NLGN4X: variants seen among roughly 807,000 people sequenced by gnomAD.
NLGN4X encodes neuroligin 4 X-linked.
In NLGN4X, 3 loss-of-function variants were observed where a neutral mutation model predicts 40.3. The ratio of observed to expected loss-of-function variants is 0.07; its 90% confidence interval spans 0.03 to 0.19. The LOEUF is 0.19. Ranked by LOEUF, NLGN4X falls within the 10% of genes least tolerant of loss-of-function variation. The pLI, the probability that NLGN4X is intolerant of heterozygous loss-of-function variation, is 1.00. For synonymous variants in NLGN4X, 270 were observed against 306.8 expected, an observed-to-expected ratio of 0.88 and a Z score of 1.25; for missense variants, 382 against 708.3, an observed-to-expected ratio of 0.54 and a Z score of 5.23.
intron 2 of NLGN4X, among the ~76,000 whole-genome samples, 188 bp from the exon 3 acceptor site, chrX:6,029,620 T>C (rs1232833361): frequency 8.9e-6 from 1 of 111,919 alleles, no homozygotes; most frequent in Non-Finnish European, 1.9e-5. Context: ...ACGTTTTCTA[T>C]TTATGGAAAT....
At chrX:5,969,368 T>C in intron 3 of NLGN4X, among the ~76,000 whole-genome samples, 1 of 111,399 alleles carries the variant, frequency 9.0e-6, no homozygotes, top group Admixed American at 9.5e-5. Context: ...GCAAAGGATA[T>C]GAACAGACAC....
chrX:6,118,141 TCTC>T (rs1401165188), intron 2 of NLGN4X, among the ~76,000 whole-genome samples: 12 of 109,731 alleles, frequency 1.1e-4, no homozygotes, highest in African/African-American at 4.0e-4. Flanking sequence ...GTCTTCTCTC[TCTC>T]CTCCTCTTCA....
intron 2 of NLGN4X, among the ~76,000 whole-genome samples, chrX:6,047,026 A>G (rs920711223): frequency 2.8e-4 from 31 of 109,302 alleles, no homozygotes; most frequent in Non-Finnish European, 2.1e-4. Context: ...AGAATCATTT[A>G]GGATATATAC....
rs1474949919 is a variant in NLGN4X, at chrX:5,892,035, G to C, written c.*782C>G. 1.7e-5 allele frequency: 2 copies of C among 119,238 alleles called. No homozygotes were observed. Among genetic ancestry groups the C allele is most frequent in the Non-Finnish European group, 3.4e-5 (2 of 59,045 alleles). 9.8% of individuals were successfully genotyped at this position (119,238 alleles called of 1,213,427 possible). A position where few individuals can be genotyped will look rare whatever the true frequency, so the allele number is the denominator to read the frequency against. On this transcript the variant is annotated 3_prime_UTR_variant, in exon 6 of 6. Transcript: ENST00000381095. The stretch of plus-strand genomic sequence containing the variant: ...GAAACAGAGGTGATATGACTAATGT[G>C]TGTGTGTGTGTGTATATATATATAT...
At chrX:6,176,015 T>C (rs1304298791) in intron 1 of NLGN4X, among the ~76,000 whole-genome samples, 1 of 111,357 alleles carries the variant, frequency 9.0e-6, no homozygotes, top group African/African-American at 3.3e-5. Context: ...TAAAGAGCCT[T>C]GGCCCCTACA....
rs912758939 is a variant in NLGN4X, at chrX:6,075,983, T to G, written c.473-46551A>C. Among the ~76,000 whole-genome samples the G allele has an allele frequency of 3.6e-5, 4 of 111,658 alleles. No individual in the cohort carries two copies. The South Asian group carries it at 1.1e-3, about 32-fold the overall frequency. On this transcript the variant is annotated intron_variant, in intron 2 of 5. Coordinates refer to ENST00000381095, the MANE Select transcript of NLGN4X (RefSeq NM_181332.3). Reference sequence around the variant, plus strand: ...ATTTGCACTGAGGCAAGGAAGAGAATATGGGGAGGAGAGGTAAGAGCTGGT... The same window carrying G: ...ATTTGCACTGAGGCAAGGAAGAGAAGATGGGGAGGAGAGGTAAGAGCTGGT...
At chrX:6,037,081 G>C (rs2147246395) in intron 2 of NLGN4X, among the ~76,000 whole-genome samples, 1 of 111,102 alleles carries the variant, frequency 9.0e-6, no homozygotes, top group South Asian at 3.9e-4. Context: ...GGGACGTCGA[G>C]GTGGGCGGAG....
intron 2 of NLGN4X, among the ~76,000 whole-genome samples, chrX:6,086,415 A>G (rs376029441): frequency 2.7e-3 from 300 of 112,080 alleles, no homozygotes; most frequent in African/African-American, 9.3e-3. Flanking sequence ...ACAAAAAAGC[A>G]AAATGATTGC....
chrX:6,213,606 A>G (rs1924808888), intron 1 of NLGN4X, among the ~76,000 whole-genome samples: 2 of 112,543 alleles, frequency 1.8e-5, no homozygotes, highest in Non-Finnish European at 1.9e-5. Context: ...ACCTGAAACT[A>G]TCCTAAAATT....
At chrX:5,920,737 C>T (rs959461318) in intron 3 of NLGN4X, among the ~76,000 whole-genome samples, 3 of 110,853 alleles carry the variant, frequency 2.7e-5, no homozygotes, top group Non-Finnish European at 3.8e-5. Context: ...GGGATGGGGA[C>T]GTATCTTCTG....
At chrX:5,925,825 C>CATATATAT (rs1181288808) in intron 3 of NLGN4X, among the ~76,000 whole-genome samples, 12 of 43,357 alleles carry the variant, frequency 2.8e-4, no homozygotes, top group South Asian at 1.1e-3. Flanking sequence ...TGAATCCCAC[C>CATATATAT]ATATATATAT....
chrX:6,123,305 G>A (rs980659655), intron 2 of NLGN4X, among the ~76,000 whole-genome samples: 12 of 111,752 alleles, frequency 1.1e-4, no homozygotes, highest in Non-Finnish European at 2.3e-4. Flanking sequence ...ACAAAATGCA[G>A]TGGCTTCTCA....
chrX:6,008,151 A>G (rs2036151601), intron 3 of NLGN4X, among the ~76,000 whole-genome samples: 1 of 111,947 alleles, frequency 8.9e-6, no homozygotes, highest in African/African-American at 3.2e-5. Context: ...GTTCTGTTCA[A>G]TGTCATTTAG....
intron 2 of NLGN4X, among the ~76,000 whole-genome samples, chrX:6,120,024 T>C (rs1478029691): frequency 2.7e-5 from 3 of 111,622 alleles, no homozygotes; most frequent in Non-Finnish European, 5.6e-5. Flanking sequence ...TAATCACAGC[T>C]ACACAAAACA....
chrX:6,169,552 T>C (rs912661858), intron 1 of NLGN4X, among the ~76,000 whole-genome samples: 3 of 113,161 alleles, frequency 2.7e-5, no homozygotes, highest in African/African-American at 9.6e-5. Context: ...CTAGAGCTGG[T>C]AATTATGTCC....
intron 2 of NLGN4X, among the ~76,000 whole-genome samples, chrX:6,056,915 G>A (rs754539433): frequency 1.4e-3 from 160 of 111,985 alleles, no homozygotes; most frequent in Middle Eastern, 4.6e-3. Flanking sequence ...CCAAGCAAAC[G>A]TCAGCAGGAA....
At chrX:6,014,304 CAG>C (rs1167609079) in intron 3 of NLGN4X, among the ~76,000 whole-genome samples, 8 of 111,236 alleles carry the variant, frequency 7.2e-5, no homozygotes, top group Non-Finnish European at 1.5e-4. Context: ...AGGTTAGAAA[CAG>C]AGAATGAGAT....
At chrX:6,192,899 A>C (rs1922673948) in intron 1 of NLGN4X, among the ~76,000 whole-genome samples, 1 of 111,472 alleles carries the variant, frequency 9.0e-6, no homozygotes, top group Non-Finnish European at 1.9e-5. Context: ...AGGAAGGATG[A>C]GGTTCTTAGG....
At chrX:6,087,636 T>G (rs2038529875) in intron 2 of NLGN4X, among the ~76,000 whole-genome samples, 1 of 111,411 alleles carries the variant, frequency 9.0e-6, no homozygotes, top group African/African-American at 3.3e-5. Flanking sequence ...AGGAGTAAAG[T>G]GGGTCTCTTT....
Sources: allele counts gnomAD v4.1 joint callset (sites outside exome capture counted in the v4.1 genomes callset), GRCh38; gene constraint gnomAD v4.1.1; transcripts MANE v1.5; gene names NCBI Gene and HGNC (gene_info 2026-07-23, HGNC 2026-07-21).